GRIN3A: variants seen among roughly 807,000 people sequenced by gnomAD.
GRIN3A encodes glutamate ionotropic receptor NMDA type subunit 3A, also known as glutamate receptor ionotropic, NMDA 3A.
A neutral mutation model predicts 92.4 loss-of-function variants in GRIN3A; 47 were observed. The ratio of observed to expected loss-of-function variants is 0.51; its 90% CI spans 0.40 to 0.65. The LOEUF is 0.65. GRIN3A is among the 30% of genes least tolerant of loss of function. The probability of loss-of-function intolerance (pLI) is 0.00; values close to 1 mark genes in which losing one functional copy is unlikely to be tolerated. For synonymous variants in GRIN3A, 527 were observed against 540.6 expected (o/e 0.97, Z 0.35); for missense variants, 1,324 against 1,393.1 (o/e 0.95, Z 0.79).
chr9:101,613,157 T>A (rs1255050758), intron 6 of GRIN3A, among the ~76,000 whole-genome samples: 2 of 152,230 alleles, frequency 1.3e-5, no homozygotes, highest in South Asian at 2.1e-4. Flanking sequence ...TATTTACTCA[T>A]CAAAATAGCA....
chr9:101,673,993 G>T (rs1183840680), intron 2 of GRIN3A, among the ~76,000 whole-genome samples: 1 of 152,108 alleles, frequency 6.6e-6, no homozygotes, highest in Non-Finnish European at 1.5e-5. Flanking sequence ...TCGTAGAGGA[G>T]GAAGTGCCAG....
At chr9:101,595,063 C>G in intron 6 of GRIN3A, 3 of 822,038 alleles carry the variant, frequency 3.6e-6, no homozygotes, top group Non-Finnish European at 5.4e-6. Context: ...AGCAAAAGGG[C>G]AGGGGAGCGG....
chr9:101,664,286 G>A (rs1220455108), intron 3 of GRIN3A, among the ~76,000 whole-genome samples: 1 of 151,812 alleles, frequency 6.6e-6, no homozygotes, highest in East Asian at 1.9e-4. Context: ...TTTCTGCATT[G>A]CCTATAATGA....
chr9:101,670,837 A>G lies in GRIN3A; in HGVS notation c.1575T>C (p.Phe525=), dbSNP rs769359309. The G allele has an allele frequency of 5.6e-5, 91 of 1,613,872 alleles. No homozygotes were observed. The highest frequency in any genetic ancestry group is 5.1e-6 in the Non-Finnish European group (6 of 1,179,930). The change falls in exon 3 of 9, where the codon TTT becomes TTC. Residue 525 remains phenylalanine (F), a synonymous_variant. Coordinates refer to ENST00000361820, the MANE Select transcript of GRIN3A (RefSeq NM_133445.3). ...CATCATCTACCTCCCTTGTGAAGACAAAAGGATGCTCAATCAGGGTAACCA... is the reference window on the plus strand; with the variant it reads ...CATCATCTACCTCCCTTGTGAAGACGAAAGGATGCTCAATCAGGGTAACCA... ...LRVVTLIEHP[F]VFTREVDDEG...
intron 3 of GRIN3A, among the ~76,000 whole-genome samples, chr9:101,629,873 C>G (rs894253759): frequency 3.3e-5 from 5 of 152,164 alleles, no homozygotes; most frequent in African/African-American, 1.2e-4. Flanking sequence ...GGGACTGGCT[C>G]AGAACCCATG....
chr9:101,733,064 A>C (rs948148152), intron 1 of GRIN3A, among the ~76,000 whole-genome samples: 2 of 152,240 alleles, frequency 1.3e-5, no homozygotes, highest in African/African-American at 2.4e-5. Context: ...CTAATGGTAC[A>C]AAATCCATGG....
At chr9:101,731,979 G>T (rs1830144097) in intron 1 of GRIN3A, among the ~76,000 whole-genome samples, 1 of 152,172 alleles carries the variant, frequency 6.6e-6, no homozygotes, top group African/African-American at 2.4e-5. Flanking sequence ...TTATGGATTT[G>T]GCATCATATT....
At chr9:101,601,002 CAT>C (rs972609320) in intron 6 of GRIN3A, 40 of 152,286 alleles carry the variant, frequency 2.6e-4, no homozygotes, top group African/African-American at 8.9e-4. Flanking sequence ...GACAACAAAA[CAT>C]GTCATCAGAG....
In GRIN3A at chr9:101,570,217, G is replaced by A. The variant is rs564911836; in HGVS notation, c.*2957C>T. The stretch of plus-strand genomic sequence containing the variant: ...TAGCTATATCTGTTCCAGCTCATCT[G>A]AGCATGCTTTATCATGTGCTTCCTG... On this transcript the variant is annotated 3_prime_UTR_variant, in exon 9 of 9. Transcript: ENST00000361820. The A allele has an allele frequency of 3.3e-5, 5 of 152,254 alleles. No homozygotes were observed. Among genetic ancestry groups the A allele is most frequent in the African/African-American group, 9.6e-5 (4 of 41,518 alleles). 9.4% of individuals were successfully genotyped at this position (152,254 alleles called of 1,614,324 possible). A position where few individuals can be genotyped will look rare whatever the true frequency, so the allele number is the denominator to read the frequency against.
chr9:101,661,602 G>T (rs1332760446), intron 3 of GRIN3A, among the ~76,000 whole-genome samples: 3 of 151,826 alleles, frequency 2.0e-5, no homozygotes, highest in Non-Finnish European at 2.9e-5. Context: ...TTATAAGTTA[G>T]TAATTGTGCT....
chr9:101,663,865 C>CTTTTTTTT (rs71356374), intron 3 of GRIN3A, among the ~76,000 whole-genome samples: 1 of 144,900 alleles, frequency 6.9e-6, no homozygotes. Flanking sequence ...TTTTCTTTTT[C>CTTTTTTTT]TTTTTTTTTT....
At chr9:101,674,801 A>G (rs1417089510) in intron 2 of GRIN3A, among the ~76,000 whole-genome samples, 1 of 152,100 alleles carries the variant, frequency 6.6e-6, no homozygotes, top group Admixed American at 6.6e-5. Context: ...AAGGTGGAAA[A>G]TGTAAGAGGA....
intron 1 of GRIN3A, among the ~76,000 whole-genome samples, chr9:101,692,902 A>G (rs907709815): frequency 1.3e-5 from 2 of 152,202 alleles, no homozygotes; most frequent in African/African-American, 2.4e-5. Context: ...CATAAGGTGT[A>G]GTCCCTGCCC....
intron 6 of GRIN3A, chr9:101,592,128 C>G (rs1828037940): frequency 1.3e-5 from 2 of 152,144 alleles, no homozygotes; most frequent in African/African-American, 2.4e-5. Context: ...TAAAAATTCT[C>G]CAGTTCTCAG....
intron 6 of GRIN3A, among the ~76,000 whole-genome samples, chr9:101,586,586 G>T (rs148121117): frequency 6.6e-6 from 1 of 152,020 alleles, no homozygotes; most frequent in Non-Finnish European, 1.5e-5. Flanking sequence ...ACCAATCTAG[G>T]GATCTACTGT....
intron 2 of GRIN3A, among the ~76,000 whole-genome samples, chr9:101,673,741 T>C (rs931260037): frequency 6.6e-6 from 1 of 152,124 alleles, no homozygotes; most frequent in African/African-American, 2.4e-5. Context: ...AGGAATAGTT[T>C]TACTGGCACC....
rs113817144 is a variant in GRIN3A at position 101,625,208 on chromosome 9, GA to G, written c.2499-1776del. ...TAAAAATAAAAATATTTATTAATTT[GA>G]AAAAAAAGAAAGGATTTTCTACCCT... On this transcript the variant is annotated intron_variant, in intron 4 of 8. Coordinates refer to ENST00000361820, the MANE Select transcript of GRIN3A (RefSeq NM_133445.3). 9.3e-3 allele frequency among the ~76,000 whole-genome samples: 1,401 copies of G among 151,208 alleles called. 27 individuals carry two copies. Among genetic ancestry groups the G allele is most frequent in the African/African-American group, 0.032 (1,339 of 41,246 alleles).
chr9:101,686,658 G>T lies in GRIN3A; in HGVS notation c.1242C>A (p.Pro414=). 1 of 1,614,126 alleles carries T rather than the reference G, an allele frequency of 6.2e-7. No homozygotes were observed. Among genetic ancestry groups the T allele is most frequent in the Non-Finnish European group, 8.5e-7 (1 of 1,180,008 alleles). The change falls in exon 2 of 9, where the codon CCC becomes CCA. Residue 414 remains proline (P), a synonymous_variant. Coordinates refer to ENST00000361820, the MANE Select transcript of GRIN3A (RefSeq NM_133445.3). ...TMIQPELALI[P]STMNCMEVET... ...CCACCTCCATGCAGTTCATCGTGCT[G>T]GGAATGAGAGCAAGTTCTGGTTGGA...
At chr9:101,650,565 T>A (rs939411657) in intron 3 of GRIN3A, among the ~76,000 whole-genome samples, 1 of 152,062 alleles carries the variant, frequency 6.6e-6, no homozygotes, top group African/African-American at 2.4e-5. Context: ...TAAGTAAGTT[T>A]GGACCAGGTC....
Sources: allele counts gnomAD v4.1 joint callset (sites outside exome capture counted in the v4.1 genomes callset), GRCh38; gene constraint gnomAD v4.1.1; transcripts MANE v1.5; gene names NCBI Gene and HGNC (gene_info 2026-07-23, HGNC 2026-07-21).